RASGEF1C: variants seen among roughly 807,000 people sequenced by gnomAD.
RASGEF1C encodes RasGEF domain family member 1C, also known as ras-GEF domain-containing family member 1C.
A neutral mutation model predicts 58.1 loss-of-function variants in RASGEF1C; 27 were observed. The ratio of observed to expected loss-of-function variants is 0.46; its 90% CI spans 0.34 to 0.64. The LOEUF (loss-of-function observed/expected upper bound fraction) is 0.64, where lower values mean the gene tolerates loss of function less well. Among genes scored for constraint, RASGEF1C ranks in the 30% least tolerant of loss-of-function variants. RASGEF1C has a pLI of 0.01. For missense variants in RASGEF1C, 502 were observed against 605.1 expected (o/e 0.83, Z 1.79); for synonymous variants, 243 against 246.3 (o/e 0.99, Z 0.13).
chr5:180,113,231 G>A lies in RASGEF1C; in HGVS notation c.1179+1215C>T, dbSNP rs1200761651. ...GGACCGGGGATGGACGGAGGGACAG[G>A]GGATGGACGGAGGGACCGAGGATGG... On this transcript the variant is annotated intron_variant, in intron 11 of 13. Coordinates refer to ENST00000361132, the MANE Select transcript of RASGEF1C (RefSeq NM_175062.4). Among the ~76,000 whole-genome samples the A allele has an allele frequency of 4.9e-4, 25 of 50,616 alleles. 1 individual carries two copies. Among genetic ancestry groups the A allele is most frequent in the African/African-American group, 1.6e-3 (22 of 13,874 alleles). 33.2% of individuals were successfully genotyped at this position (50,616 alleles called of 152,430 possible). A position where few individuals can be genotyped will look rare whatever the true frequency, so the allele number is the denominator to read the frequency against.
intron 1 of RASGEF1C, among the ~76,000 whole-genome samples, chr5:180,199,532 C>T (rs771521431): frequency 9.2e-5 from 14 of 152,172 alleles, no homozygotes; most frequent in Non-Finnish European, 1.9e-4. Flanking sequence ...CCACGCTTAG[C>T]GACATCCACT....
intron 1 of RASGEF1C, among the ~76,000 whole-genome samples, chr5:180,186,922 G>A (rs961542244): frequency 1.3e-5 from 2 of 152,190 alleles, no homozygotes; most frequent in African/African-American, 4.8e-5. Flanking sequence ...ACTCCAGCCT[G>A]GGTGACAGAG....
intron 1 of RASGEF1C, among the ~76,000 whole-genome samples, chr5:180,139,366 C>T (rs919563229): frequency 5.9e-5 from 9 of 152,344 alleles, no homozygotes; most frequent in African/African-American, 1.9e-4. Flanking sequence ...CTTGCTGCCC[C>T]GATGGCAAAC....
At chr5:180,157,957 C>T (rs1482191858) in intron 1 of RASGEF1C, among the ~76,000 whole-genome samples, 1 of 152,146 alleles carries the variant, frequency 6.6e-6, no homozygotes, top group Admixed American at 6.5e-5. Flanking sequence ...ACTATGCACT[C>T]TGGGTAATAA....
At chr5:180,176,650 G>A (rs751243865) in intron 1 of RASGEF1C, among the ~76,000 whole-genome samples, 27 of 151,226 alleles carry the variant, frequency 1.8e-4, no homozygotes, top group South Asian at 6.3e-4. Context: ...TCCGCCTCCC[G>A]GGTTCACGCC....
At chr5:180,208,308 C>A (rs746762900) in intron 1 of RASGEF1C, among the ~76,000 whole-genome samples, 2 of 152,168 alleles carry the variant, frequency 1.3e-5, no homozygotes, top group Admixed American at 6.5e-5. Flanking sequence ...GGAAGAGCTC[C>A]ACCAGCACCC....
intron 4 of RASGEF1C, among the ~76,000 whole-genome samples, chr5:180,130,441 T>C (rs1766346972): frequency 1.3e-5 from 2 of 152,206 alleles, no homozygotes; most frequent in East Asian, 1.9e-4. Flanking sequence ...GTCAGTCCCC[T>C]GTGGGCCCTG....
At chr5:180,195,703 A>G (rs1349033013) in intron 1 of RASGEF1C, among the ~76,000 whole-genome samples, 1 of 151,374 alleles carries the variant, frequency 6.6e-6, no homozygotes, top group Non-Finnish European at 1.5e-5. Context: ...CGGAGCTTGC[A>G]GTGAGCCGAG....
At chr5:180,167,056 T>C (rs1392842912) in intron 1 of RASGEF1C, among the ~76,000 whole-genome samples, 1 of 152,220 alleles carries the variant, frequency 6.6e-6, no homozygotes, top group Non-Finnish European at 1.5e-5. Context: ...TTGTGTTTTA[T>C]TCTGCTTGAG....
At chr5:180,134,958 C>T (rs1766444968) in intron 4 of RASGEF1C, among the ~76,000 whole-genome samples, 1 of 108,586 alleles carries the variant, frequency 9.2e-6, no homozygotes, top group Non-Finnish European at 1.9e-5. Flanking sequence ...TACCCAGTCA[C>T]CTATTCTTTC....
At chr5:180,192,528 G>A (rs1043011333) in intron 1 of RASGEF1C, among the ~76,000 whole-genome samples, 4 of 151,844 alleles carry the variant, frequency 2.6e-5, no homozygotes, top group African/African-American at 9.7e-5. Flanking sequence ...TTTTTCAACT[G>A]TAATTTTCAT....
intron 1 of RASGEF1C, among the ~76,000 whole-genome samples, chr5:180,138,503 T>C (rs1766525480): frequency 6.6e-6 from 1 of 152,200 alleles, no homozygotes; most frequent in Non-Finnish European, 1.5e-5. Context: ...GGAGGCTTTC[T>C]TTCCCCCTGG....
At chr5:180,124,510 A>G (rs765739673) in intron 6 of RASGEF1C, among the ~76,000 whole-genome samples, 15 of 152,234 alleles carry the variant, frequency 9.9e-5, no homozygotes, top group Non-Finnish European at 1.6e-4. Context: ...TATCTCAGAA[A>G]TGCAAAGTTG....
rs1448708643 is a variant in RASGEF1C at position 180,127,642 on chromosome 5, G to A, written c.681C>T (p.Ala227=). Residue 227 remains alanine, a synonymous_variant, in exon 6 of 14, where the codon GCC becomes GCT. Transcript: ENST00000361132. ...TGGCCAGAGGGTCCTTGTTCACAAA[G>A]GCCTGGACAAACTCCTCAGGCCCGA... ...RHIGPEEFVQ[A]FVNKDPLAST... The A allele has an allele frequency of 6.2e-7, 1 of 1,613,410 alleles. No individual in the cohort carries two copies. Among genetic ancestry groups the A allele is most frequent in the South Asian group, 1.1e-5 (1 of 91,018 alleles).
At chr5:180,207,445 C>G (rs1220726054) in intron 1 of RASGEF1C, among the ~76,000 whole-genome samples, 2 of 152,240 alleles carry the variant, frequency 1.3e-5, no homozygotes, top group Non-Finnish European at 2.9e-5. Context: ...ATGGCTGACT[C>G]TGGATCTGGG....
chr5:180,103,409 T>C (rs1001377625), intron 12 of RASGEF1C, among the ~76,000 whole-genome samples: 1 of 152,220 alleles, frequency 6.6e-6, no homozygotes, highest in African/African-American at 2.4e-5. Flanking sequence ...ACACGTCCTG[T>C]GCGTGTTCTG....
chr5:180,121,860 G>A (rs754796100), intron 6 of RASGEF1C, among the ~76,000 whole-genome samples: 3 of 152,164 alleles, frequency 2.0e-5, no homozygotes, highest in African/African-American at 4.8e-5. Context: ...GCTTTGTCCC[G>A]CATCACACGC....
chr5:180,152,107 T>G (rs1178122625), intron 1 of RASGEF1C, among the ~76,000 whole-genome samples: 1 of 151,506 alleles, frequency 6.6e-6, no homozygotes, highest in Non-Finnish European at 1.5e-5. Flanking sequence ...AGGAACACTT[T>G]TACACTGTTG....
At chr5:180,140,989 G>A (rs955406297) in intron 1 of RASGEF1C, among the ~76,000 whole-genome samples, 11 of 152,204 alleles carry the variant, frequency 7.2e-5, no homozygotes, top group African/African-American at 2.2e-4. Flanking sequence ...AGAGCATCAC[G>A]TTCCTTGTGT....
Sources: allele counts gnomAD v4.1 joint callset (sites outside exome capture counted in the v4.1 genomes callset), GRCh38; gene constraint gnomAD v4.1.1; transcripts MANE v1.5; gene names NCBI Gene and HGNC (gene_info 2026-07-23, HGNC 2026-07-21).